CHM: variants seen among roughly 807,000 people sequenced by gnomAD.
The protein encoded by CHM is CHM Rab escort protein.
In CHM, 10 loss-of-function variants were observed where a neutral mutation model predicts 49.0. The observed-to-expected ratio is 0.20, with a 90% CI of 0.13 to 0.35. CHM has a LOEUF of 0.35. CHM is among the 10% of genes least tolerant of loss of function. The pLI is 1.00. For missense variants in CHM, 455 were observed against 478.4 expected, an observed-to-expected ratio of 0.95 and a Z score of 0.46; for synonymous variants, 184 against 167.5, an observed-to-expected ratio of 1.10 and a Z score of -0.76.
intron 14 of CHM, among the ~76,000 whole-genome samples, chrX:85,870,722 T>C (rs968433870): frequency 1.8e-5 from 2 of 110,798 alleles, no homozygotes; most frequent in African/African-American, 3.3e-5. Flanking sequence ...TTCAGAAAAA[T>C]AAAAACAAAA....
rs372532715 is a variant in CHM, at chrX:85,963,999, G to A, written c.368C>T (p.Ala123Val). ...TGTGGAGTTTGCAGATGTCACAAGA[G>A]CATGATTTTTCTGCAGTGCACCAGC... Reference protein sequence around the residue: ...EEAGALQKNHALVTSANSTEA... With the variant: ...EEAGALQKNHVLVTSANSTEA... Residue 123 changes from alanine to valine, a missense_variant, in exon 5 of 15, where the codon GCT becomes GTT. Physicochemically the swap from Ala to Val is moderately conservative, Grantham distance 64. Coordinates refer to ENST00000357749, the MANE Select transcript of CHM (RefSeq NM_000390.4). 29 of 1,206,505 alleles carry A rather than the reference G, an allele frequency of 2.4e-5. No individual in the cohort carries two copies. Among genetic ancestry groups the A allele is most frequent in the Non-Finnish European group, 2.9e-5 (26 of 893,881 alleles).
At chrX:85,994,270 T>C (rs371544339) in intron 2 of CHM, among the ~76,000 whole-genome samples, 2 of 111,708 alleles carry the variant, frequency 1.8e-5, no homozygotes, top group South Asian at 3.7e-4. Flanking sequence ...GCCTAGCACA[T>C]AGTAAGTTAT....
intron 10 of CHM, among the ~76,000 whole-genome samples, 162 bp from the exon 11 acceptor site, chrX:85,900,871 T>C (rs900529805): frequency 4.5e-5 from 5 of 111,836 alleles, no homozygotes; most frequent in African/African-American, 1.6e-4. Context: ...CCTTGGCTCA[T>C]GAAAGAAGAA....
chrX:85,926,877 C>T (rs1055671671), intron 8 of CHM, among the ~76,000 whole-genome samples: 12 of 111,637 alleles, frequency 1.1e-4, no homozygotes, highest in Admixed American at 1.9e-4. Flanking sequence ...AAAGTTTAAG[C>T]CTTATTCTGA....
chrX:85,881,410 T>C (rs919682873), intron 12 of CHM, among the ~76,000 whole-genome samples: 1 of 112,442 alleles, frequency 8.9e-6, no homozygotes, highest in Non-Finnish European at 1.9e-5. Flanking sequence ...ACAAATAACA[T>C]GCATGTGTTA....
In CHM at chrX:85,986,669, C is replaced by T. The variant is rs12833170; in HGVS notation, c.117-4860G>A. On this transcript the variant is annotated intron_variant, in intron 2 of 14. Transcript: ENST00000357749. ...AATAACCAGAAAAGAAGTCTACTGA[C>T]TGTACTCACTCTACACTTTAGTTAA... 4.0e-3 allele frequency among the ~76,000 whole-genome samples: 449 copies of T among 111,750 alleles called. 1 individual carries two copies. Among genetic ancestry groups the T allele is most frequent in the Non-Finnish European group, 6.2e-3 (329 of 53,188 alleles).
chrX:85,906,151 T>C (rs1395073270), intron 9 of CHM, among the ~76,000 whole-genome samples: 3 of 111,751 alleles, frequency 2.7e-5, no homozygotes, highest in Non-Finnish European at 5.6e-5. Flanking sequence ...GTGAATAGTG[T>C]AGAGACAGGA....
intron 2 of CHM, among the ~76,000 whole-genome samples, chrX:86,008,152 C>T (rs1167655431): frequency 6.3e-5 from 7 of 111,681 alleles, no homozygotes; most frequent in Admixed American, 9.5e-5. Context: ...CAAACTATCA[C>T]AAGGACAGAA....
chrX:85,966,072 G>A (rs995282703), intron 4 of CHM, among the ~76,000 whole-genome samples: 1 of 111,420 alleles, frequency 9.0e-6, no homozygotes, highest in African/African-American at 3.3e-5. Flanking sequence ...TAATCAGGCC[G>A]GGCACGGTGG....
At chrX:85,920,389 C>T (rs1927722225) in intron 8 of CHM, among the ~76,000 whole-genome samples, 1 of 111,845 alleles carries the variant, frequency 8.9e-6, no homozygotes, top group African/African-American at 3.3e-5. Flanking sequence ...AGCCACCGTG[C>T]CCGGCCCAAT....
intron 4 of CHM, among the ~76,000 whole-genome samples, chrX:85,978,256 T>G (rs5968763): frequency 0.17 from 19,149 of 111,230 alleles, 1,566 homozygotes; most frequent in Non-Finnish European, 0.25. Context: ...GCCCACAAAA[T>G]TTACGTATTC....
At chrX:85,937,744 T>C (rs1052628839) in intron 8 of CHM, among the ~76,000 whole-genome samples, 2 of 107,356 alleles carry the variant, frequency 1.9e-5, no homozygotes, top group African/African-American at 6.8e-5. Flanking sequence ...CTCAGGAAGC[T>C]GAGGCAGGAG....
intron 9 of CHM, among the ~76,000 whole-genome samples, chrX:85,906,143 G>A (rs1228147894): frequency 8.9e-6 from 1 of 111,785 alleles, no homozygotes; most frequent in African/African-American, 3.3e-5. Context: ...CGTACTTTGT[G>A]AATAGTGTAG....
chrX:85,993,453 T>C (rs192401892), intron 2 of CHM, among the ~76,000 whole-genome samples: 1 of 111,916 alleles, frequency 8.9e-6, no homozygotes, highest in African/African-American at 3.2e-5. Flanking sequence ...CTCCCTCTTA[T>C]CTATCTATTG....
intron 6 of CHM, among the ~76,000 whole-genome samples, 155 bp downstream of exon 6, chrX:85,958,706 A>G (rs1930133256): frequency 8.9e-6 from 1 of 111,839 alleles, no homozygotes; most frequent in Non-Finnish European, 1.9e-5. Context: ...TTAGCACTAG[A>G]AATTTTAATT....
At chrX:86,023,257 A>G (rs1371140672) in intron 2 of CHM, among the ~76,000 whole-genome samples, 1 of 111,257 alleles carries the variant, frequency 9.0e-6, no homozygotes, top group Non-Finnish European at 1.9e-5. Flanking sequence ...TGTACCCTCA[A>G]CTTTCCACCC....
At chrX:85,929,109 G>A (rs1179940036) in intron 8 of CHM, among the ~76,000 whole-genome samples, 1 of 111,555 alleles carries the variant, frequency 9.0e-6, no homozygotes, top group Non-Finnish European at 1.9e-5. Context: ...AATTAGGGAA[G>A]CACAGTGATA....
chrX:85,977,390 C>A (rs2147704054), intron 4 of CHM, among the ~76,000 whole-genome samples: 2 of 112,479 alleles, frequency 1.8e-5, no homozygotes, highest in South Asian at 7.4e-4. Context: ...TAGTTTCTCA[C>A]TTTGAGAAGT....
At position 86,019,613 on chromosome X, in the gene CHM, G is replaced by A. The variant is rs915836420; in HGVS notation, c.116+7878C>T. The stretch of plus-strand genomic sequence containing the variant: ...ACAATGAAAAAATGTCCAGAGGCTG[G>A]TCCAAGTGCAGTGGTATTTACAACT... On this transcript the variant is annotated intron_variant, in intron 2 of 14. Coordinates refer to ENST00000357749, the MANE Select transcript of CHM (RefSeq NM_000390.4). 4 of 111,978 alleles carry A rather than the reference G, an allele frequency of 3.6e-5. No homozygotes were observed. In the East Asian group the frequency reaches 1.1e-3, roughly 31 times the overall value. 9.2% of individuals were successfully genotyped at this position (111,978 alleles called of 1,213,427 possible).
Sources: allele counts gnomAD v4.1 joint callset (sites outside exome capture counted in the v4.1 genomes callset), GRCh38; gene constraint gnomAD v4.1.1; transcripts MANE v1.5; gene names NCBI Gene and HGNC (gene_info 2026-07-23, HGNC 2026-07-21).